Variants in DLGAP1 observed in about 807,000 individuals in gnomAD.
DLGAP1 encodes the protein disks large-associated protein 1.
A neutral mutation model predicts 90.8 loss-of-function variants in DLGAP1; 11 were observed. The ratio of observed to expected loss-of-function variants is 0.12; its 90% CI spans 0.08 to 0.20. The LOEUF (loss-of-function observed/expected upper bound fraction) is 0.20, where lower values mean the gene tolerates loss of function less well. Ranked by LOEUF, DLGAP1 falls within the 10% of genes least tolerant of loss-of-function variation. The pLI is 1.00. For synonymous variants in DLGAP1, 558 were observed against 540.7 expected, an observed-to-expected ratio of 1.03 and a Z score of -0.44; for missense variants, 1,050 against 1,333.8, an observed-to-expected ratio of 0.79 and a Z score of 3.31.
chr18:3,886,302 G>C (rs2071311712), intron 3 of DLGAP1, among the ~76,000 whole-genome samples: 1 of 152,054 alleles, frequency 6.6e-6, no homozygotes, highest in South Asian at 2.1e-4. Context: ...TGGGTACCTA[G>C]TCATGTATAT....
intron 1 of DLGAP1, among the ~76,000 whole-genome samples, chr18:4,327,337 T>C (rs2080845729): frequency 6.6e-6 from 1 of 152,034 alleles, no homozygotes; most frequent in Non-Finnish European, 1.5e-5. Flanking sequence ...CCCCTAAATA[T>C]ATTGATTATG....
rs75318229 is a variant in DLGAP1 at position 3,922,861 on chromosome 18, C to T, written c.-72-42721G>A. Among the ~76,000 whole-genome samples the T allele has an allele frequency of 3.7e-3, 566 of 152,148 alleles. 3 individuals are homozygous for T. The highest frequency in any genetic ancestry group is 0.013 in the African/African-American group (530 of 41,522). On this transcript the variant is annotated intron_variant, in intron 3 of 12. Transcript: ENST00000315677. ...AAAAAGCATGCACTAGGCCGAGTGT[C>T]GTGGTTCGTTCCTGTGATCCCAGCA... is the stretch of plus-strand genomic sequence containing the variant.
At chr18:4,096,707 C>T (rs2075685903) in intron 2 of DLGAP1, among the ~76,000 whole-genome samples, 1 of 152,168 alleles carries the variant, frequency 6.6e-6, no homozygotes, top group African/African-American at 2.4e-5. Flanking sequence ...AGACAACCTT[C>T]TCGTGACGTG....
chr18:4,106,069 A>G (rs895206053), intron 2 of DLGAP1, among the ~76,000 whole-genome samples: 10 of 150,110 alleles, frequency 6.7e-5, no homozygotes, highest in Non-Finnish European at 1.2e-4. Context: ...AGTTGCAATT[A>G]AACTAAAAAC....
intron 2 of DLGAP1, among the ~76,000 whole-genome samples, chr18:4,062,295 C>G (rs1374147804): frequency 2.0e-5 from 3 of 152,118 alleles, no homozygotes; most frequent in African/African-American, 7.2e-5. Context: ...AGGGCTTTAA[C>G]TGGAATGGCA....
At position 3,583,175 on chromosome 18, in the gene DLGAP1, TACCTA is replaced by T. The variant is rs1568240796; in HGVS notation, c.1592-932_1592-928del. On this transcript the variant is annotated intron_variant, in intron 7 of 12. Transcript: ENST00000315677. Reference sequence around the variant, plus strand: ...CTACCTACCTACCTACCTACCTACCTACCTACCTACCTTCCTTCCTTCCTTCCTTC... The same window carrying T: ...CTACCTACCTACCTACCTACCTACCTCCTACCTTCCTTCCTTCCTTCCTTC... Among the ~76,000 whole-genome samples the T allele has an allele frequency of 3.8e-4, 54 of 142,758 alleles. 2 individuals carry two copies. The highest frequency in any genetic ancestry group is 1.2e-3 in the African/African-American group (47 of 38,492). 93.7% of individuals were successfully genotyped at this position (142,758 alleles called of 152,430 possible).
intron 1 of DLGAP1, among the ~76,000 whole-genome samples, chr18:4,203,713 C>T (rs1418705444): frequency 6.6e-6 from 1 of 152,156 alleles, no homozygotes; most frequent in Non-Finnish European, 1.5e-5. Context: ...ACATGCTAGG[C>T]TCAGGGGAAC....
rs567651505 is a variant in DLGAP1, at chr18:3,599,053, C to G, written c.1592-16805G>C. 1.5e-4 allele frequency among the ~76,000 whole-genome samples: 23 copies of G among 152,314 alleles called. No homozygotes were observed. The East Asian group carries it at 4.3e-3, about 28-fold the overall frequency. ...CCTCCCAAAGTGCTGGGATTACAGG[C>G]GTGAGCCACTGCGCCCAGCAAAGAC... On this transcript the variant is annotated intron_variant, in intron 7 of 12. Transcript: ENST00000315677.
intron 7 of DLGAP1, among the ~76,000 whole-genome samples, chr18:3,629,658 T>TGA (rs2058451289): frequency 6.6e-6 from 1 of 151,682 alleles, no homozygotes; most frequent in Admixed American, 6.6e-5. Flanking sequence ...GGCAACAGAG[T>TGA]GAGACTCTGT....
At position 3,711,754 on chromosome 18, in the gene DLGAP1, G is replaced by A. The variant is rs978985408; in HGVS notation, c.1591+17381C>T. Among the ~76,000 whole-genome samples the A allele has an allele frequency of 2.0e-5, 3 of 152,154 alleles. No individual in the cohort carries two copies. The highest frequency in any genetic ancestry group is 4.8e-5 in the African/African-American group (2 of 41,434). On this transcript the variant is annotated intron_variant, in intron 7 of 12. Transcript: ENST00000315677. This position sits in a 1 kb window ranked among gnomAD's most constrained non-coding sequence, Gnocchi z 4.0. ...CTTGGGAGGCTCAGGTGGGAGGCTTGCTTGAGCCCGGGAGATCAAGGCTGT... is the reference window on the plus strand; with the variant it reads ...CTTGGGAGGCTCAGGTGGGAGGCTTACTTGAGCCCGGGAGATCAAGGCTGT...
At chr18:3,866,786 G>A (rs1038927863) in intron 4 of DLGAP1, among the ~76,000 whole-genome samples, 1 of 152,188 alleles carries the variant, frequency 6.6e-6, no homozygotes, top group African/African-American at 2.4e-5. Context: ...AAAGGGCAGG[G>A]GCTGGGACTG....
At chr18:3,641,977 T>C (rs537882574) in intron 7 of DLGAP1, among the ~76,000 whole-genome samples, 1 of 152,368 alleles carries the variant, frequency 6.6e-6, no homozygotes, top group South Asian at 2.1e-4. Flanking sequence ...GTGCTGCTTC[T>C]GTTCTGTCTT....
At chr18:4,230,500 G>A (rs2078278210) in intron 1 of DLGAP1, among the ~76,000 whole-genome samples, 1 of 151,828 alleles carries the variant, frequency 6.6e-6, no homozygotes, top group Non-Finnish European at 1.5e-5. Context: ...TGGAACTGGA[G>A]GTCATTATGT....
At chr18:4,125,993 C>T (rs949164911) in intron 2 of DLGAP1, among the ~76,000 whole-genome samples, 1 of 152,156 alleles carries the variant, frequency 6.6e-6, no homozygotes, top group Non-Finnish European at 1.5e-5. Context: ...ATGAGCAAGG[C>T]AGTTTTCTGA....
Position 4,059,506 on chromosome 18 carries a change from G to A in DLGAP1, c.-158-54305C>T, listed in dbSNP as rs74362136. ...ACAGGTGGATCACCTGAGGTCAGGA[G>A]TTTGAGGCCAACCTAACCAACATGG... On this transcript the variant is annotated intron_variant, in intron 2 of 12. Transcript: ENST00000315677. Among the ~76,000 whole-genome samples, 311 of 152,334 alleles carry A rather than the reference G, an allele frequency of 2.0e-3. 2 individuals are homozygous for A. Among genetic ancestry groups the A allele is most frequent in the African/African-American group, 7.2e-3 (301 of 41,588 alleles).
intron 1 of DLGAP1, among the ~76,000 whole-genome samples, chr18:4,440,120 C>CA (rs35152199): frequency 0.27 from 13,105 of 48,956 alleles, 1,896 homozygotes; most frequent in Non-Finnish European, 0.31. Flanking sequence ...ACTCCGTCAC[C>CA]AAAAAAAAAA....
At chr18:4,443,184 T>C (rs12957552) in intron 1 of DLGAP1, among the ~76,000 whole-genome samples, 28,586 of 152,244 alleles carry the variant, frequency 0.19, 2,963 homozygotes, top group South Asian at 0.33. Context: ...TAAGGATAAC[T>C]GAACAGAAGG....
At chr18:4,418,341 A>G (rs1398103790) in intron 1 of DLGAP1, among the ~76,000 whole-genome samples, 1 of 152,194 alleles carries the variant, frequency 6.6e-6, no homozygotes, top group African/African-American at 2.4e-5. Context: ...AACCACCAAC[A>G]CACTCCCAAC....
chr18:4,059,304 G>T lies in DLGAP1; in HGVS notation c.-158-54103C>A, dbSNP rs1405413266. Among the ~76,000 whole-genome samples, 6 of 152,162 alleles carry T rather than the reference G, an allele frequency of 3.9e-5. No homozygotes were observed. The South Asian group carries it at 8.3e-4, about 21-fold the overall frequency. ...TCCCCTTTTCTTTCTTTGCACATGG[G>T]TAACTGTGTCTCCATACTCAGGACA... On this transcript the variant is annotated intron_variant, in intron 2 of 12. Transcript: ENST00000315677.
Sources: gnomAD v4.1 joint callset for allele counts (sites outside exome capture counted in the v4.1 genomes callset) on GRCh38, gnomAD v4.1.1 for gene constraint, Gnocchi (gnomAD v3.1) non-coding constraint, MANE v1.5 for transcripts, NCBI Gene and HGNC (gene_info 2026-07-23, HGNC 2026-07-21) for gene names.